Variants in POGZ observed in about 807,000 individuals in gnomAD.
POGZ encodes pogo transposable element derived with ZNF domain.
POGZ carries 17 observed loss-of-function variants against 134.6 expected under a neutral mutation model. That is an observed-to-expected ratio of 0.13 (90% CI 0.09 to 0.19). POGZ has a LOEUF of 0.19. POGZ is among the 10% of genes least tolerant of loss of function. The pLI, the probability that POGZ is intolerant of heterozygous loss-of-function variation, is 1.00. For synonymous variants in POGZ, 693 were observed against 657.1 expected (o/e 1.05, Z -0.84); for missense variants, 1,306 against 1,769.7 (o/e 0.74, Z 4.70).
chr1:151,449,580 A>C (rs1016172739), intron 1 of POGZ, among the ~76,000 whole-genome samples: 10 of 152,148 alleles, frequency 6.6e-5, no homozygotes, highest in Non-Finnish European at 1.5e-4. Context: ...TACATAAAGA[A>C]CTATCATTTC....
chr1:151,414,583 G>A (rs1655291162), intron 10 of POGZ, among the ~76,000 whole-genome samples: 1 of 152,216 alleles, frequency 6.6e-6, no homozygotes, highest in Non-Finnish European at 1.5e-5. Context: ...GGGAGTTCAA[G>A]ACAAGCCTGA....
At chr1:151,441,690 A>C (rs1660550759) in intron 2 of POGZ, among the ~76,000 whole-genome samples, 1 of 152,192 alleles carries the variant, frequency 6.6e-6, no homozygotes, top group African/African-American at 2.4e-5. Context: ...AAGGAAACCA[A>C]GTTCAAGTAA....
At chr1:151,419,047 GA>G (rs1049818487) in intron 10 of POGZ, among the ~76,000 whole-genome samples, 4 of 118,832 alleles carry the variant, frequency 3.4e-5, no homozygotes, top group African/African-American at 1.3e-4. Flanking sequence ...AAAAAAAAAA[GA>G]AAAAAAGAAA....
chr1:151,451,615 C>G (rs1662096080), intron 1 of POGZ, among the ~76,000 whole-genome samples: 1 of 151,622 alleles, frequency 6.6e-6, no homozygotes, highest in Admixed American at 6.7e-5. Context: ...TGTGAGGCAC[C>G]GCGCCTGGCC....
In POGZ at chr1:151,412,396, G is replaced by A; in HGVS notation, c.1679C>T (p.Thr560Ile). 1 of 1,555,584 alleles carries A rather than the reference G, an allele frequency of 6.4e-7. No homozygotes were observed. Among genetic ancestry groups the A allele is most frequent in the Non-Finnish European group, 8.9e-7 (1 of 1,128,610 alleles). ...CGCCCATTCACAGATCTTGCACTTGGCTGTAAGAAGAAAAGTAATCAATAA... is the reference window on the plus strand; with the variant it reads ...CGCCCATTCACAGATCTTGCACTTGACTGTAAGAAGAAAAGTAATCAATAA... ...ENVHSPYEST[T>I]KCKICEWAFE... Residue 560 changes from threonine (T) to isoleucine (I), a missense_variant and splice_region_variant, in exon 11 of 19, where the codon ACC becomes ATC. Physicochemically the swap from Thr to Ile is moderately conservative, Grantham distance 89. Around this residue, in one of 10 missense-constraint regions of POGZ, gnomAD observed 541 missense variants for 680.5 expected, o/e 0.80. Coordinates refer to ENST00000271715, the MANE Select transcript of POGZ (RefSeq NM_015100.4).
At chr1:151,455,192 T>C (rs143878467) in intron 1 of POGZ, 20 of 152,294 alleles carry the variant, frequency 1.3e-4, no homozygotes, top group East Asian at 7.7e-4. Flanking sequence ...TGTTACCATA[T>C]TGATATTATG....
Position 151,403,495 on chromosome 1 carries a change from T to A in POGZ, c.*1307A>T, listed in dbSNP as rs1571313025. ...GCCTCAGGATAAACAGAAGACTTGG[T>A]TTTTTGCTCCTTTTCTCTGTACGGT... On this transcript the variant is annotated 3_prime_UTR_variant, in exon 19 of 19. Transcript: ENST00000271715. 5 of 985,772 alleles carry A rather than the reference T, an allele frequency of 5.1e-6. No homozygotes were observed. The South Asian group carries it at 1.9e-4, about 37-fold the overall frequency. 61.1% of individuals were successfully genotyped at this position (985,772 alleles called of 1,614,324 possible). A position where few individuals can be genotyped will look rare whatever the true frequency, so the allele number is the denominator to read the frequency against.
rs555359674 is a variant in POGZ, at chr1:151,422,811, C to T, written c.1678+586G>A. Among the ~76,000 whole-genome samples the T allele has an allele frequency of 3.3e-5, 5 of 152,244 alleles. No individual in the cohort carries two copies. In the South Asian group the frequency reaches 6.2e-4, roughly 19 times the overall value. ...TTCGCCATGTTGGCCGGGCTGGTCT[C>T]GAATTCCTGACTTCAGGTGATCTGC... On this transcript the variant is annotated intron_variant, in intron 10 of 18. Coordinates refer to ENST00000271715, the MANE Select transcript of POGZ (RefSeq NM_015100.4).
rs563639606 is a variant in POGZ at position 151,415,090 on chromosome 1, G to A, written c.1679-2694C>T. ...CAAATTATGGAAGGATAGATCTCTT[G>A]TACCTTCCTAAGGCTCATCCAACCT... On this transcript the variant is annotated intron_variant, in intron 10 of 18. Coordinates refer to ENST00000271715, the MANE Select transcript of POGZ (RefSeq NM_015100.4). 3.3e-5 allele frequency among the ~76,000 whole-genome samples: 5 copies of A among 152,186 alleles called. No individual in the cohort carries two copies. In the South Asian group the frequency reaches 1.0e-3, roughly 32 times the overall value.
At chr1:151,452,145 G>A (rs1224578994) in intron 1 of POGZ, among the ~76,000 whole-genome samples, 1 of 151,026 alleles carries the variant, frequency 6.6e-6, no homozygotes, top group Non-Finnish European at 1.5e-5. Context: ...CGGGCATGGT[G>A]GCAGGCCAAG....
intron 3 of POGZ, chr1:151,439,027 G>C (rs1660091109): frequency 6.6e-6 from 1 of 151,910 alleles, no homozygotes; most frequent in Non-Finnish European, 1.5e-5. Flanking sequence ...TGGGTTATCA[G>C]AACTTATAAA....
At chr1:151,446,923 T>C (rs1661361788) in intron 1 of POGZ, among the ~76,000 whole-genome samples, 1 of 152,044 alleles carries the variant, frequency 6.6e-6, no homozygotes, top group South Asian at 2.1e-4. Flanking sequence ...ATAAAAAAGT[T>C]AGACATGTAT....
intron 1 of POGZ, among the ~76,000 whole-genome samples, chr1:151,443,046 A>C (rs577100337): frequency 4.6e-5 from 7 of 152,224 alleles, no homozygotes; most frequent in African/African-American, 7.2e-5. Context: ...ACAACAACAA[A>C]AAGTTTAATG....
In POGZ at chr1:151,423,342, C is replaced by T; in HGVS notation, c.1678+55G>A. ...ATAATGGGCTCCCCCCAGCGCCATT[C>T]AATGAGTGAACAGCAAGGTATATTC... On this transcript the variant is annotated intron_variant, in intron 10 of 18. Coordinates refer to ENST00000271715, the MANE Select transcript of POGZ (RefSeq NM_015100.4). 2.7e-6 allele frequency: 4 copies of T among 1,478,176 alleles called. No individual in the cohort carries two copies. The East Asian group carries it at 9.0e-5, about 33-fold the overall frequency. The allele number at this position is 1,478,176 out of a possible 1,614,324, so 91.6% of individuals were successfully genotyped here.
Position 151,406,588 on chromosome 1 carries a change from T to C in POGZ, c.2570+19A>G. ...ACACTGCAAACCAGAAATTAAATTG[T>C]GAGGTGAGTTTTTGTTACCTTGAGT... On this transcript the variant is annotated intron_variant, in intron 18 of 18. Coordinates refer to ENST00000271715, the MANE Select transcript of POGZ (RefSeq NM_015100.4). 2 of 1,608,222 alleles carry C rather than the reference T, an allele frequency of 1.2e-6. No homozygotes were observed. The highest frequency in any genetic ancestry group is 2.2e-5 in the South Asian group (2 of 90,660).
intron 7 of POGZ, 99 bp downstream of exon 7, chr1:151,427,724 T>A (rs569943023): frequency 2.4e-6 from 2 of 817,724 alleles, no homozygotes; most frequent in East Asian, 5.4e-5. Context: ...CTGTATTTTA[T>A]TTTATTTTTC....
chr1:151,435,524 G>A (rs1479211437), intron 3 of POGZ, among the ~76,000 whole-genome samples: 1 of 145,962 alleles, frequency 6.9e-6, no homozygotes, highest in Non-Finnish European at 1.5e-5. Flanking sequence ...ATGGAGTCTT[G>A]CTCTGTAGCC....
intron 1 of POGZ, among the ~76,000 whole-genome samples, chr1:151,447,970 C>T (rs545266569): frequency 1.3e-5 from 2 of 152,156 alleles, no homozygotes; most frequent in African/African-American, 4.8e-5. Context: ...TGCCCCAGAC[C>T]TAGAACCAAC....
chr1:151,407,856 A>C (rs1288863808), intron 15 of POGZ, among the ~76,000 whole-genome samples: 1 of 151,890 alleles, frequency 6.6e-6, no homozygotes, highest in African/African-American at 2.4e-5. Flanking sequence ...CTAAAAATAC[A>C]AAAAAATCAG....
Sources: gnomAD v4.1 joint callset for allele counts (sites outside exome capture counted in the v4.1 genomes callset) on GRCh38, gnomAD v4.1.1 for gene constraint, gnomAD v4.1.1 regional missense constraint, MANE v1.5 for transcripts, NCBI Gene and HGNC (gene_info 2026-07-23, HGNC 2026-07-21) for gene names.